The following MAP2 variants were observed in gnomAD, a reference collection of about 807,000 sequenced individuals.
The protein encoded by MAP2 is microtubule-associated protein 2.
A neutral mutation model predicts 137.6 loss-of-function variants in MAP2; 14 were observed. The observed-to-expected ratio is 0.10, with a 90% CI of 0.07 to 0.16. The LOEUF (loss-of-function observed/expected upper bound fraction) is 0.16. MAP2 is among the 10% of genes least tolerant of loss of function. The pLI is 1.00. For missense variants in MAP2, 2,088 were observed against 2,191.5 expected, an observed-to-expected ratio of 0.95 and a Z score of 0.94; for synonymous variants, 786 against 782.3, an observed-to-expected ratio of 1.00 and a Z score of -0.08.
intron 2 of MAP2, among the ~76,000 whole-genome samples, chr2:209,524,690 G>T (rs1249118018): frequency 6.6e-6 from 1 of 152,178 alleles, no homozygotes; most frequent in South Asian, 2.1e-4. Flanking sequence ...TTTGACTCAG[G>T]AACCTTTTCA....
At chr2:209,464,853 A>C (rs1703741127) in intron 1 of MAP2, among the ~76,000 whole-genome samples, 1 of 152,132 alleles carries the variant, frequency 6.6e-6, no homozygotes, top group African/African-American at 2.4e-5. Flanking sequence ...CTTTCTTAAA[A>C]AAGTGTTCTT....
chr2:209,432,567 C>A (rs1419044343), intron 1 of MAP2, among the ~76,000 whole-genome samples: 1 of 152,134 alleles, frequency 6.6e-6, no homozygotes, highest in Non-Finnish European at 1.5e-5. Context: ...AAACTGAAAC[C>A]ATACCACTAT....
chr2:209,714,790 G>A (rs1218893529), intron 13 of MAP2, among the ~76,000 whole-genome samples: 3 of 152,114 alleles, frequency 2.0e-5, no homozygotes, highest in Non-Finnish European at 4.4e-5. Context: ...CTTGCATATA[G>A]GACATTAAAT....
chr2:209,653,148 G>A lies in MAP2; in HGVS notation c.-23G>A. On this transcript the variant is annotated 5_prime_UTR_variant, in exon 5 of 16. Coordinates refer to ENST00000682079, the MANE Select transcript of MAP2 (RefSeq NM_001375505.1). The stretch of plus-strand genomic sequence containing the variant: ...ACTATTTTTTCTCTTTCAGTTGCAG[G>A]AGAAATAACAAGGCATTGAAGAATG... 1 of 1,557,492 alleles carries A rather than the reference G, an allele frequency of 6.4e-7. No individual in the cohort carries two copies. The highest frequency in any genetic ancestry group is 8.7e-7 in the Non-Finnish European group (1 of 1,153,254).
chr2:209,493,793 G>C (rs752010078), intron 1 of MAP2, among the ~76,000 whole-genome samples: 2 of 152,198 alleles, frequency 1.3e-5, no homozygotes, highest in African/African-American at 4.8e-5. Context: ...ATAGATGCTG[G>C]AGAGGACATA....
chr2:209,522,314 C>T (rs2063397905), intron 2 of MAP2, among the ~76,000 whole-genome samples: 1 of 152,102 alleles, frequency 6.6e-6, no homozygotes, highest in African/African-American at 2.4e-5. Context: ...TGGCACCTGT[C>T]ACAAAACAGC....
intron 12 of MAP2, among the ~76,000 whole-genome samples, chr2:209,709,103 T>G (rs1279193610): frequency 6.6e-6 from 1 of 152,158 alleles, no homozygotes; most frequent in African/African-American, 2.4e-5. Flanking sequence ...TGAGCTCAAC[T>G]TGAGGCAAAG....
At chr2:209,539,514 C>T (rs925505164) in intron 2 of MAP2, among the ~76,000 whole-genome samples, 31 of 152,186 alleles carry the variant, frequency 2.0e-4, no homozygotes, top group African/African-American at 6.7e-4. Context: ...GTCAATTTGG[C>T]CAATTTCACT....
At chr2:209,434,874 TTATA>T (rs199921912) in intron 1 of MAP2, among the ~76,000 whole-genome samples, 1 of 93,178 alleles carries the variant, frequency 1.1e-5, no homozygotes, top group Non-Finnish European at 2.5e-5. Context: ...TATATATATG[TTATA>T]TATATGTTAT....
chr2:209,696,025 G>T lies in MAP2; in HGVS notation c.3855G>T (p.Val1285=). The T allele has an allele frequency of 6.2e-7, 1 of 1,614,094 alleles. No homozygotes were observed. The highest frequency in any genetic ancestry group is 8.5e-7 in the Non-Finnish European group (1 of 1,180,012). Residue 1285 remains valine, a synonymous_variant, in exon 8 of 16, where the codon GTG becomes GTT. Coordinates refer to ENST00000682079, the MANE Select transcript of MAP2 (RefSeq NM_001375505.1). ...SEHKGVIESV[V]TIEDDFITVV... ...ACAAAGGAGTGATTGAGTCTGTTGT[G>T]ACCATCGAGGATGATTTCATCACTG...
At chr2:209,478,690 C>A (rs964967216) in intron 1 of MAP2, among the ~76,000 whole-genome samples, 2 of 152,118 alleles carry the variant, frequency 1.3e-5, no homozygotes, top group Non-Finnish European at 2.9e-5. Flanking sequence ...ATTAAAATAC[C>A]AACTTCTAGT....
rs115824883 is a variant in MAP2 at position 209,683,132 on chromosome 2, G to T, written c.454+2305G>T. Among the ~76,000 whole-genome samples the T allele has an allele frequency of 8.0e-3, 1,215 of 152,212 alleles. 18 individuals carry two copies. The highest frequency in any genetic ancestry group is 0.027 in the African/African-American group (1,133 of 41,512). On this transcript the variant is annotated intron_variant, in intron 7 of 15. Transcript: ENST00000682079. ...CTGCTTCCTGTAGGGTAATATGATG[G>T]ATATAATGAAAACATAAATAAATAA...
At chr2:209,558,126 A>G (rs1348594286) in intron 2 of MAP2, among the ~76,000 whole-genome samples, 2 of 152,216 alleles carry the variant, frequency 1.3e-5, no homozygotes, top group Admixed American at 1.3e-4. Context: ...ATATATATGT[A>G]TATACCATGT....
intron 4 of MAP2, among the ~76,000 whole-genome samples, chr2:209,652,673 G>C (rs1345055368): frequency 6.6e-6 from 1 of 152,070 alleles, no homozygotes; most frequent in Non-Finnish European, 1.5e-5. Context: ...ATTTTTCATG[G>C]TATAGAATTC....
At chr2:209,664,682 A>C (rs2045408536) in intron 5 of MAP2, among the ~76,000 whole-genome samples, 1 of 151,924 alleles carries the variant, frequency 6.6e-6, no homozygotes, top group South Asian at 2.1e-4. Flanking sequence ...ATTAGAAAGG[A>C]AAACCGTGGC....
rs532287230 is a variant in MAP2, at chr2:209,453,740, ATAGATGGGG to A, written c.-222+29466_-222+29474del. Reference sequence around the variant, plus strand: ...AAAGGATTCCCTATTCTTTCTTTACATAGATGGGGTGTCATGTCAGGAAAAGTGATATTT... The same window carrying A: ...AAAGGATTCCCTATTCTTTCTTTACATGTCATGTCAGGAAAAGTGATATTT... On this transcript the variant is annotated intron_variant, in intron 1 of 15. Transcript: ENST00000682079. Among the ~76,000 whole-genome samples, 415 of 151,684 alleles carry A rather than the reference ATAGATGGGG, an allele frequency of 2.7e-3. 2 individuals carry two copies. The highest frequency in any genetic ancestry group is 9.4e-3 in the African/African-American group (385 of 40,996).
chr2:209,518,863 G>A (rs1023952084), intron 2 of MAP2, among the ~76,000 whole-genome samples: 3 of 151,962 alleles, frequency 2.0e-5, no homozygotes, highest in Admixed American at 1.3e-4. Flanking sequence ...CTTGATGTCT[G>A]TAATTATTTT....
At chr2:209,637,357 C>G (rs79727501) in intron 4 of MAP2, among the ~76,000 whole-genome samples, 23,986 of 151,898 alleles carry the variant, frequency 0.16, 2,673 homozygotes, top group African/African-American at 0.31. Context: ...GAACAAGAAT[C>G]GTTTGAACCC....
At chr2:209,630,653 T>A (rs2092904660) in intron 4 of MAP2, among the ~76,000 whole-genome samples, 1 of 152,028 alleles carries the variant, frequency 6.6e-6, no homozygotes, top group South Asian at 2.1e-4. Context: ...TTATTGAATT[T>A]TATTGTTGTA....
Sources: gnomAD v4.1 joint callset for allele counts (sites outside exome capture counted in the v4.1 genomes callset) on GRCh38, gnomAD v4.1.1 for gene constraint, MANE v1.5 for transcripts, NCBI Gene and HGNC (gene_info 2026-07-23, HGNC 2026-07-21) for gene names.